RBMS3: variants seen among roughly 807,000 people sequenced by gnomAD.
The protein encoded by RBMS3 is RNA binding motif single stranded interacting protein 3.
In RBMS3, 27 loss-of-function variants were observed where a neutral mutation model predicts 66.8. The observed-to-expected ratio is 0.40, with a 90% CI of 0.30 to 0.56. The LOEUF (loss-of-function observed/expected upper bound fraction) is 0.56, where lower values mean the gene tolerates loss of function less well. Among genes scored for constraint, RBMS3 ranks in the 20% least tolerant of loss-of-function variants. The pLI, the probability that RBMS3 is intolerant of heterozygous loss-of-function variation, is 0.40. For synonymous variants in RBMS3, 188 were observed against 183.0 expected, an observed-to-expected ratio of 1.03 and a Z score of -0.22; for missense variants, 513 against 549.5, an observed-to-expected ratio of 0.93 and a Z score of 0.66.
At chr3:29,928,180 T>TTA (rs1199975605) in intron 10 of RBMS3, among the ~76,000 whole-genome samples, 2,671 of 102,322 alleles carry the variant, frequency 0.026, 39 homozygotes, top group Middle Eastern at 0.035. Flanking sequence ...TCTTCAAATT[T>TTA]TATATATATA....
chr3:29,884,831 T>C (rs552250616), intron 8 of RBMS3, among the ~76,000 whole-genome samples: 2 of 152,090 alleles, frequency 1.3e-5, no homozygotes, highest in South Asian at 4.1e-4. Flanking sequence ...TACTTCCTAA[T>C]GTCTTTGCTT....
intron 6 of RBMS3, among the ~76,000 whole-genome samples, chr3:29,770,851 A>C (rs749993588): frequency 1.4e-4 from 21 of 151,982 alleles, no homozygotes; most frequent in Non-Finnish European, 2.8e-4. Context: ...TTAAGTTCTT[A>C]GTGCATTTCA....
intron 1 of RBMS3, among the ~76,000 whole-genome samples, chr3:29,295,348 T>C (rs989534472): frequency 3.4e-5 from 5 of 144,948 alleles, no homozygotes; most frequent in Non-Finnish European, 3.0e-5. Context: ...TATATATACA[T>C]ATATATATAC....
chr3:29,986,108 T>C (rs1349277265), intron 12 of RBMS3, among the ~76,000 whole-genome samples: 2 of 152,068 alleles, frequency 1.3e-5, no homozygotes, highest in African/African-American at 4.8e-5. Context: ...TAGGAAATAC[T>C]CAAATAGGTA....
At chr3:29,648,834 A>G (rs2050040908) in intron 4 of RBMS3, among the ~76,000 whole-genome samples, 1 of 152,170 alleles carries the variant, frequency 6.6e-6, no homozygotes, top group South Asian at 2.1e-4. Context: ...CTTCCATGTT[A>G]TTCTTACATC....
At chr3:29,763,040 C>G in intron 6 of RBMS3, 51 bp downstream of exon 6, 1 of 1,271,006 alleles carries the variant, frequency 7.9e-7, no homozygotes, top group Non-Finnish European at 1.1e-6. Context: ...TTAAATTGCT[C>G]TTATTAGAAT....
intron 2 of RBMS3, among the ~76,000 whole-genome samples, chr3:29,456,330 C>G (rs1028371711): frequency 1.3e-5 from 2 of 152,104 alleles, no homozygotes; most frequent in Non-Finnish European, 2.9e-5. Flanking sequence ...GTAATTTGCT[C>G]TAATACAGAA....
In RBMS3 at chr3:29,281,631, A is replaced by C. The variant is rs762873072; in HGVS notation, c.-51A>C. On this transcript the variant is annotated 5_prime_UTR_variant, in exon 1 of 15. Coordinates refer to ENST00000383767, the MANE Select transcript of RBMS3 (RefSeq NM_001003793.3). ...TTTAAGAGGAAGCTCGGCCTGGGGC[A>C]CTATACCCTGTCATCCAGTTCCCTG... The C allele has an allele frequency of 4.7e-6, 7 of 1,495,470 alleles. No homozygotes were observed. The highest frequency in any genetic ancestry group is 5.6e-6 in the Non-Finnish European group (6 of 1,072,700). 92.6% of individuals were successfully genotyped at this position (1,495,470 alleles called of 1,614,324 possible). A position where few individuals can be genotyped will look rare whatever the true frequency, so the allele number is the denominator to read the frequency against.
intron 3 of RBMS3, among the ~76,000 whole-genome samples, chr3:29,524,292 G>A (rs1406761407): frequency 6.6e-6 from 1 of 151,964 alleles, no homozygotes; most frequent in Non-Finnish European, 1.5e-5. Flanking sequence ...AAATCATGCT[G>A]TGATGAGGGA....
intron 3 of RBMS3, 52 bp from the exon 4 acceptor site, chr3:29,587,062 T>C (rs13059237): frequency 4.3e-6 from 6 of 1,387,442 alleles, no homozygotes; most frequent in African/African-American, 1.4e-5. Flanking sequence ...TCAGTGAAGA[T>C]AGAGATTCAG....
intron 4 of RBMS3, among the ~76,000 whole-genome samples, chr3:29,630,529 T>C (rs1302742916): frequency 6.6e-6 from 1 of 151,818 alleles, no homozygotes; most frequent in African/African-American, 2.4e-5. Context: ...TAGTAAGAAT[T>C]GGAAGGAAAA....
At chr3:29,664,748 C>G (rs541353576) in intron 4 of RBMS3, among the ~76,000 whole-genome samples, 1 of 151,608 alleles carries the variant, frequency 6.6e-6, no homozygotes, top group East Asian at 1.9e-4. Context: ...TTGAAGATAG[C>G]TAAACATTTT....
At chr3:29,528,911 T>G (rs1373198863) in intron 3 of RBMS3, among the ~76,000 whole-genome samples, 1 of 151,968 alleles carries the variant, frequency 6.6e-6, no homozygotes, top group Non-Finnish European at 1.5e-5. Context: ...TTTTTTTTCT[T>G]TTTTTCTTTT....
At chr3:29,645,738 T>C (rs2049896628) in intron 4 of RBMS3, among the ~76,000 whole-genome samples, 1 of 152,230 alleles carries the variant, frequency 6.6e-6, no homozygotes, top group Non-Finnish European at 1.5e-5. Context: ...TCTTAGACAA[T>C]TAAAACTTTC....
chr3:29,425,203 C>CAAAAA (rs1559350653), intron 1 of RBMS3, among the ~76,000 whole-genome samples: 1 of 107,666 alleles, frequency 9.3e-6, no homozygotes, highest in South Asian at 3.1e-4. Context: ...AAAAAAAAAC[C>CAAAAA]CCCCAAAAAA....
At chr3:29,548,932 A>G (rs80021115) in intron 3 of RBMS3, among the ~76,000 whole-genome samples, 12,850 of 152,206 alleles carry the variant, frequency 0.084, 599 homozygotes, top group South Asian at 0.11. Flanking sequence ...TAAAAATGGT[A>G]AAACAGAATG....
At chr3:29,524,415 A>ATTT (rs1222102515) in intron 3 of RBMS3, among the ~76,000 whole-genome samples, 1,074 of 57,118 alleles carry the variant, frequency 0.019, 187 homozygotes, top group Non-Finnish European at 0.023. Context: ...CTCCCTTTAC[A>ATTT]TTTTTTTTTT....
intron 2 of RBMS3, among the ~76,000 whole-genome samples, chr3:29,437,127 T>A (rs776015063): frequency 3.3e-5 from 5 of 152,242 alleles, no homozygotes; most frequent in Non-Finnish European, 7.3e-5. Flanking sequence ...AATTGTTACA[T>A]ATTCAAGAAT....
intron 6 of RBMS3, among the ~76,000 whole-genome samples, chr3:29,771,200 T>G (rs1007395917): frequency 1.3e-5 from 2 of 152,008 alleles, no homozygotes; most frequent in Non-Finnish European, 2.9e-5. Flanking sequence ...TTGAGTAATA[T>G]TTTAGTTATT....
Sources: gnomAD v4.1 joint callset for allele counts (sites outside exome capture counted in the v4.1 genomes callset) on GRCh38, gnomAD v4.1.1 for gene constraint, MANE v1.5 for transcripts, NCBI Gene and HGNC (gene_info 2026-07-23, HGNC 2026-07-21) for gene names.